Variants in MSI2 observed in about 807,000 individuals in gnomAD.
The protein encoded by MSI2 is RNA-binding protein Musashi homolog 2.
A neutral mutation model predicts 45.6 loss-of-function variants in MSI2; 17 were observed. The observed-to-expected ratio is 0.37, with a 90% CI of 0.26 to 0.56. The LOEUF is 0.56. Among genes scored for constraint, MSI2 ranks in the 20% least tolerant of loss-of-function variants. The probability of loss-of-function intolerance (pLI) is 0.77; values close to 1 mark genes in which losing one functional copy is unlikely to be tolerated. For missense variants in MSI2, 293 were observed against 444.2 expected (o/e 0.66, Z 3.06); for synonymous variants, 156 against 158.2 (o/e 0.99, Z 0.11).
chr17:57,449,530 T>G (rs1297881183), intron 6 of MSI2: 1 of 152,228 alleles, frequency 6.6e-6, no homozygotes, highest in Non-Finnish European at 1.5e-5. Context: ...TTTATTTTAT[T>G]GTTTTTCCCC....
intron 7 of MSI2, among the ~76,000 whole-genome samples, chr17:57,549,106 C>T (rs1330253731): frequency 6.6e-6 from 1 of 152,164 alleles, no homozygotes; most frequent in Non-Finnish European, 1.5e-5. Context: ...AACACCTGGG[C>T]TTAAGTGATT....
At chr17:57,629,610 G>A (rs1005309419) in intron 10 of MSI2, 3 of 152,274 alleles carry the variant, frequency 2.0e-5, no homozygotes, top group African/African-American at 7.2e-5. Context: ...AAAGGAAGAG[G>A]GCTGTTACTG....
At chr17:57,689,905 A>G in the MSI2 span, among the ~76,000 whole-genome samples, 1 of 152,160 alleles carries the variant, frequency 6.6e-6, no homozygotes, top group Non-Finnish European at 1.5e-5. Flanking sequence ...GATATACCCA[A>G]TTTGTTTTCA....
chr17:57,395,979 A>G (rs937769087), intron 5 of MSI2, among the ~76,000 whole-genome samples: 1 of 152,218 alleles, frequency 6.6e-6, no homozygotes, highest in Non-Finnish European at 1.5e-5. Flanking sequence ...ACCCAGTGCT[A>G]GCATTTTAAC....
intron 7 of MSI2, among the ~76,000 whole-genome samples, chr17:57,532,846 A>C (rs1295464756): frequency 6.6e-6 from 1 of 152,244 alleles, no homozygotes; most frequent in Non-Finnish European, 1.5e-5. Flanking sequence ...GCACATGCTC[A>C]GCACTTGTCC....
At chr17:57,662,033 G>A (rs991378005) in intron 11 of MSI2, among the ~76,000 whole-genome samples, 4 of 152,146 alleles carry the variant, frequency 2.6e-5, no homozygotes, top group African/African-American at 9.7e-5. Context: ...GCCTCCCGGC[G>A]GCAAAGTCAG....
chr17:57,379,525 C>T (rs920908308), intron 5 of MSI2, among the ~76,000 whole-genome samples: 5 of 149,666 alleles, frequency 3.3e-5, no homozygotes, highest in Non-Finnish European at 5.9e-5. Context: ...GAGAGAAAAG[C>T]CAGGCCTGAT....
intron 5 of MSI2, among the ~76,000 whole-genome samples, chr17:57,366,057 T>G (rs1917167353): frequency 6.6e-6 from 1 of 152,056 alleles, no homozygotes; most frequent in Non-Finnish European, 1.5e-5. Context: ...GGGACCACCG[T>G]TGTGTACCAT....
chr17:57,365,545 G>A (rs532418929), intron 5 of MSI2, among the ~76,000 whole-genome samples: 42 of 152,164 alleles, frequency 2.8e-4, no homozygotes, highest in Non-Finnish European at 5.0e-4. Flanking sequence ...AGGGTAGAGG[G>A]TGACCTGGGA....
At chr17:57,409,836 G>A (rs1047080243) in intron 6 of MSI2, among the ~76,000 whole-genome samples, 4 of 151,854 alleles carry the variant, frequency 2.6e-5, no homozygotes, top group South Asian at 2.1e-4. Flanking sequence ...GTGAAACCCT[G>A]TCTCTACTAA....
chr17:57,651,660 A>G (rs1911158890), intron 10 of MSI2, among the ~76,000 whole-genome samples: 1 of 152,230 alleles, frequency 6.6e-6, no homozygotes, highest in African/African-American at 2.4e-5. Flanking sequence ...GGCCGTCCCA[A>G]GTGCCTCCTG....
At chr17:57,491,000 A>C (rs981222700) in intron 6 of MSI2, among the ~76,000 whole-genome samples, 1 of 152,084 alleles carries the variant, frequency 6.6e-6, no homozygotes, top group Non-Finnish European at 1.5e-5. Context: ...TCTGCCAAGC[A>C]CCTGGCCAGG....
Position 57,493,876 on chromosome 17 carries a change from G to A in MSI2, c.406-35800G>A, listed in dbSNP as rs531846206. ...ACCATCACCCAACACTGTGAGGTAG[G>A]CGGAGCAGGGAAAGTTTTAATTACC... On this transcript the variant is annotated intron_variant, in intron 6 of 13. Transcript: ENST00000284073. Among the ~76,000 whole-genome samples the A allele has an allele frequency of 5.3e-5, 8 of 152,250 alleles. No homozygotes were observed. In the South Asian group the frequency reaches 1.0e-3, roughly 20 times the overall value.
intron 8 of MSI2, among the ~76,000 whole-genome samples, chr17:57,609,237 A>G (rs1416248348): frequency 6.6e-6 from 1 of 152,200 alleles, no homozygotes; most frequent in Non-Finnish European, 1.5e-5. Context: ...CAGGCGCAAG[A>G]CCAGGTCAGG....
chr17:57,645,321 C>T (rs368292209), intron 10 of MSI2, among the ~76,000 whole-genome samples: 3 of 152,222 alleles, frequency 2.0e-5, no homozygotes, highest in African/African-American at 7.2e-5. Context: ...TCAGGAGCCC[C>T]TTTGCTTCTG....
chr17:57,309,976 C>G (rs1912241223), intron 5 of MSI2, among the ~76,000 whole-genome samples: 1 of 152,168 alleles, frequency 6.6e-6, no homozygotes, highest in South Asian at 2.1e-4. Context: ...GATGGGGGTG[C>G]AGGGGCTGGG....
chr17:57,322,016 C>T lies in MSI2; in HGVS notation c.312+59824C>T, dbSNP rs185396546. Among the ~76,000 whole-genome samples the T allele has an allele frequency of 8.2e-3, 1,255 of 152,238 alleles. 18 individuals carry two copies. Among genetic ancestry groups the T allele is most frequent in the African/African-American group, 0.029 (1,190 of 41,528 alleles). ...TTTCCCATGTTGGCCAGGCTAGTCT[C>T]GAACTCCTGACCTCAGGTGATCCAC... On this transcript the variant is annotated intron_variant, in intron 5 of 13. Coordinates refer to ENST00000284073, the MANE Select transcript of MSI2 (RefSeq NM_138962.4).
intron 6 of MSI2, chr17:57,449,355 T>C (rs1348106336): frequency 6.6e-6 from 1 of 152,222 alleles, no homozygotes; most frequent in African/African-American, 2.4e-5. Context: ...TGGAATTTTT[T>C]TCACACGTGT....
chr17:57,631,616 C>G (rs1398497572), intron 10 of MSI2: 3 of 612,398 alleles, frequency 4.9e-6, no homozygotes, highest in South Asian at 2.2e-5. Context: ...ACTCTGGGAA[C>G]AGCTCCTTCT....
Sources: gnomAD v4.1 joint callset for allele counts (sites outside exome capture counted in the v4.1 genomes callset) on GRCh38, gnomAD v4.1.1 for gene constraint, MANE v1.5 for transcripts, NCBI Gene and HGNC (gene_info 2026-07-23, HGNC 2026-07-21) for gene names.